The following RAI14 variants were observed in gnomAD, a reference collection of about 807,000 sequenced individuals.
RAI14 encodes retinoic acid induced 14.
A neutral mutation model predicts 115.4 loss-of-function variants in RAI14; 45 were observed. The ratio of observed to expected loss-of-function variants is 0.39; its 90% CI spans 0.31 to 0.50. The LOEUF is 0.50. Ranked by LOEUF, RAI14 falls within the 20% of genes least tolerant of loss-of-function variation. The pLI is 0.85. For missense variants in RAI14, 939 were observed against 1,131.2 expected (o/e 0.83, Z 2.44); for synonymous variants, 371 against 415.4 (o/e 0.89, Z 1.30).
intron 3 of RAI14, among the ~76,000 whole-genome samples, chr5:34,790,278 T>C (rs1252329180): frequency 1.3e-5 from 2 of 152,196 alleles, no homozygotes; most frequent in African/African-American, 4.8e-5. Context: ...GTTGGTTGTT[T>C]GAGTGTAAGA....
At chr5:34,711,551 G>T (rs1741403777) in intron 2 of RAI14, among the ~76,000 whole-genome samples, 1 of 152,172 alleles carries the variant, frequency 6.6e-6, no homozygotes, top group Admixed American at 6.5e-5. Flanking sequence ...CAAGTCACAG[G>T]GGATGCGATG....
At chr5:34,781,787 G>C (rs910268895) in intron 3 of RAI14, among the ~76,000 whole-genome samples, 2 of 152,178 alleles carry the variant, frequency 1.3e-5, no homozygotes, top group East Asian at 3.9e-4. Context: ...GCTGAGACCA[G>C]CTTGATCATG....
chr5:34,716,307 T>C (rs1484249607), intron 2 of RAI14: 1 of 223,318 alleles, frequency 4.5e-6, no homozygotes, highest in African/African-American at 2.4e-5. Flanking sequence ...CCCCTGTACC[T>C]CCTGGGTCAG....
chr5:34,747,141 A>C (rs1276442119), intron 2 of RAI14, among the ~76,000 whole-genome samples: 1 of 151,954 alleles, frequency 6.6e-6, no homozygotes, highest in Non-Finnish European at 1.5e-5. Context: ...TCCCTCCTTC[A>C]TTTTCCTTTG....
rs765123008 is a variant in RAI14 at position 34,823,651 on chromosome 5, A to C, written c.1809A>C (p.Glu603Asp). The C allele has an allele frequency of 6.2e-7, 1 of 1,613,648 alleles. No individual in the cohort carries two copies. The part of the protein sequence containing the change: ...EKAFLFEKYQ[E>D]AQEEIMKLKD... ...CATTTTTGTTTGAGAAATACCAAGA[A>C]GCCCAAGAAGAAATCATGAAATTAA... The change falls in exon 15 of 18, where the codon GAA (glutamate) becomes GAC (aspartate). Residue 603 changes from glutamate (E) to aspartate (D), a missense_variant. Glu to Asp is a conservative substitution (Grantham distance 45). Transcript: ENST00000265109. The surrounding 1 kb of genome is among the most constrained non-coding windows in gnomAD (Gnocchi z 4.5).
At chr5:34,779,583 A>G (rs1270961566) in intron 3 of RAI14, among the ~76,000 whole-genome samples, 3 of 152,168 alleles carry the variant, frequency 2.0e-5, no homozygotes, top group Non-Finnish European at 4.4e-5. Context: ...CCAATAACAG[A>G]CAGAGAGCCA....
intron 11 of RAI14, among the ~76,000 whole-genome samples, chr5:34,814,050 G>T (rs570351614): frequency 4.3e-4 from 66 of 152,152 alleles, no homozygotes; most frequent in African/African-American, 1.6e-3. Flanking sequence ...ATTTCAGTTC[G>T]TTTCTTAAAA....
chr5:34,728,084 C>T (rs1438426545), intron 2 of RAI14, among the ~76,000 whole-genome samples: 1 of 152,222 alleles, frequency 6.6e-6, no homozygotes, highest in African/African-American at 2.4e-5. Flanking sequence ...AAAGATTTGG[C>T]TCCCCCTCTG....
At chr5:34,795,031 C>T (rs775484636) in intron 3 of RAI14, among the ~76,000 whole-genome samples, 2 of 152,226 alleles carry the variant, frequency 1.3e-5, no homozygotes, top group Non-Finnish European at 2.9e-5. Context: ...AGGATGGCAA[C>T]TGAGAGAAGG....
At chr5:34,657,362 C>A (rs1217523699) in intron 1 of RAI14, 1 of 152,534 alleles carries the variant, frequency 6.6e-6, no homozygotes, top group East Asian at 1.9e-4. Flanking sequence ...TCGCATCCCC[C>A]TTTTGTGGAG....
chr5:34,734,687 A>C (rs1000318651), intron 2 of RAI14, among the ~76,000 whole-genome samples: 3 of 151,362 alleles, frequency 2.0e-5, no homozygotes, highest in Non-Finnish European at 2.9e-5. Flanking sequence ...TTTTTGACAG[A>C]GTCTTGCTCT....
rs538885819 is a variant in RAI14, at chr5:34,667,154, A to T, written c.-49+10679A>T. ...ACTTTTCTGTTTCTCTCACAGGTCAACAGTGACCTTGAGACTCCTGTATGT... is the reference window on the plus strand; with the variant it reads ...ACTTTTCTGTTTCTCTCACAGGTCATCAGTGACCTTGAGACTCCTGTATGT... On this transcript the variant is annotated intron_variant, in intron 1 of 17. Transcript: ENST00000265109. 2.0e-5 allele frequency: 3 copies of T among 152,362 alleles called. No homozygotes were observed. In the South Asian group the frequency reaches 6.2e-4, roughly 32 times the overall value. The allele number at this position is 152,362 out of a possible 1,614,324, so 9.4% of individuals were successfully genotyped here.
intron 13 of RAI14, among the ~76,000 whole-genome samples, chr5:34,819,387 C>T (rs371173813): frequency 7.2e-5 from 11 of 152,100 alleles, no homozygotes; most frequent in Non-Finnish European, 1.2e-4. Context: ...GTCTGCTAAA[C>T]GCGTTCTTTG....
intron 2 of RAI14, among the ~76,000 whole-genome samples, chr5:34,715,533 G>A (rs536135017): frequency 2.0e-5 from 3 of 152,064 alleles, no homozygotes; most frequent in South Asian, 2.1e-4. Context: ...TTCCTGTCTC[G>A]CTTTGACTTG....
intron 2 of RAI14, among the ~76,000 whole-genome samples, chr5:34,698,083 T>TC (rs1438315023): frequency 2.1e-5 from 1 of 46,540 alleles, no homozygotes; most frequent in East Asian, 7.7e-4. Context: ...CCTTTCCTCC[T>TC]CCCCTCCTCC....
At position 34,709,269 on chromosome 5, in the gene RAI14, G is replaced by A. The variant is rs369243218; in HGVS notation, c.36+22314G>A. Among the ~76,000 whole-genome samples the A allele has an allele frequency of 2.8e-3, 419 of 152,046 alleles. 2 individuals carry two copies. The highest frequency in any genetic ancestry group is 9.6e-3 in the African/African-American group (399 of 41,446). ...TTGAGACCAGTCTGGCCAACTTGGCGAAACCCCGTCTCTACTAAAAATAAA... is the reference window on the plus strand; with the variant it reads ...TTGAGACCAGTCTGGCCAACTTGGCAAAACCCCGTCTCTACTAAAAATAAA... On this transcript the variant is annotated intron_variant, in intron 2 of 17. Coordinates refer to ENST00000265109, the MANE Select transcript of RAI14 (RefSeq NM_015577.3).
chr5:34,799,524 ACACACACACACACAC>A lies in RAI14; in HGVS notation c.256+3498_256+3512del, dbSNP rs1237288432. 6.8e-3 allele frequency among the ~76,000 whole-genome samples: 795 copies of A among 117,308 alleles called. 9 individuals are homozygous for A. The highest frequency in any genetic ancestry group is 0.022 in the Admixed American group (214 of 9,860). The allele number at this position is 117,308 out of a possible 152,430, so 77.0% of individuals were successfully genotyped here. ...CACACACACACACACACACACACAC[ACACACACACACACAC>A]AAAACCACCTTTCAAAATCTATTAC... is the stretch of plus-strand genomic sequence containing the variant. On this transcript the variant is annotated intron_variant, in intron 4 of 17. Transcript: ENST00000265109.
chr5:34,803,136 G>A (rs369110241), intron 4 of RAI14, among the ~76,000 whole-genome samples: 11 of 152,292 alleles, frequency 7.2e-5, no homozygotes, highest in African/African-American at 1.4e-4. Context: ...TGAATCCACC[G>A]CAAGTGTCTA....
chr5:34,663,322 G>A (rs115459488), intron 1 of RAI14, among the ~76,000 whole-genome samples: 1 of 152,024 alleles, frequency 6.6e-6, no homozygotes, highest in African/African-American at 2.4e-5. Flanking sequence ...TAAGAGACCA[G>A]CTTGGGAAAC....
Sources: allele counts gnomAD v4.1 joint callset (sites outside exome capture counted in the v4.1 genomes callset), GRCh38; gene constraint gnomAD v4.1.1; non-coding constraint Gnocchi (gnomAD v3.1); transcripts MANE v1.5; gene names NCBI Gene and HGNC (gene_info 2026-07-23, HGNC 2026-07-21).